The following LMBRD1 variants were observed in gnomAD, a reference collection of about 807,000 sequenced individuals.
LMBRD1 encodes the protein LMBR1 domain containing 1.
LMBRD1 carries 64 observed loss-of-function variants against 74.8 expected under a neutral mutation model. That is an observed-to-expected ratio of 0.86 (90% CI 0.70 to 1.05). The LOEUF (loss-of-function observed/expected upper bound fraction) is 1.05, where lower values mean the gene tolerates loss of function less well. LMBRD1 is among the 50% of genes least tolerant of loss of function. LMBRD1 has a pLI of 0.00. For missense variants in LMBRD1, 652 were observed against 645.9 expected (o/e 1.01, Z -0.10); for synonymous variants, 204 against 216.3 (o/e 0.94, Z 0.50).
chr6:69,726,303 C>A (rs941971759), intron 7 of LMBRD1, among the ~76,000 whole-genome samples: 6 of 152,248 alleles, frequency 3.9e-5, no homozygotes, highest in African/African-American at 1.2e-4. Flanking sequence ...ACAACCACTA[C>A]AGAGAATAGT....
At chr6:69,761,074 C>T (rs1765362543) in intron 3 of LMBRD1, among the ~76,000 whole-genome samples, 2 of 152,144 alleles carry the variant, frequency 1.3e-5, no homozygotes, top group South Asian at 4.1e-4. Flanking sequence ...TTTTAAACTG[C>T]TAAATGTTGA....
chr6:69,775,809 C>A (rs3928194), intron 3 of LMBRD1, among the ~76,000 whole-genome samples: 16,636 of 152,056 alleles, frequency 0.11, 2,518 homozygotes, highest in African/African-American at 0.34. Context: ...CAAAGAACAT[C>A]ATTTTTACTT....
intron 2 of LMBRD1, among the ~76,000 whole-genome samples, chr6:69,787,590 C>CA (rs774323125): frequency 4.6e-5 from 7 of 151,954 alleles, no homozygotes; most frequent in East Asian, 1.9e-4. Flanking sequence ...ACTAAAAATA[C>CA]AAAAAATTGG....
chr6:69,700,717 TCA>T, intron 12 of LMBRD1, 46 bp downstream of exon 12: 5 of 1,232,358 alleles, frequency 4.1e-6, no homozygotes, highest in Non-Finnish European at 5.5e-6. Flanking sequence ...ATTATGGAGA[TCA>T]CACACAAAAT....
chr6:69,758,585 T>C (rs1182779513), intron 3 of LMBRD1, among the ~76,000 whole-genome samples: 1 of 152,132 alleles, frequency 6.6e-6, no homozygotes, highest in Non-Finnish European at 1.5e-5. Flanking sequence ...AGGAATGAAC[T>C]TAGTACTCTC....
At chr6:69,688,358 G>C (rs1410525883) in intron 14 of LMBRD1, among the ~76,000 whole-genome samples, 2 of 149,842 alleles carry the variant, frequency 1.3e-5, no homozygotes, top group Non-Finnish European at 3.0e-5. Flanking sequence ...TTATGTATTT[G>C]TATTTATTTA....
chr6:69,733,616 C>T (rs560079995), intron 7 of LMBRD1, among the ~76,000 whole-genome samples: 1 of 152,152 alleles, frequency 6.6e-6, no homozygotes, highest in South Asian at 2.1e-4. Flanking sequence ...ATCTACCTTC[C>T]TCTTCCCCTC....
intron 2 of LMBRD1, among the ~76,000 whole-genome samples, chr6:69,786,067 A>G (rs1276323147): frequency 6.6e-6 from 1 of 152,214 alleles, no homozygotes; most frequent in Non-Finnish European, 1.5e-5. Context: ...CATAGAATTT[A>G]TCACTATAAA....
At chr6:69,761,679 CTG>C (rs1765376561) in intron 3 of LMBRD1, among the ~76,000 whole-genome samples, 1 of 152,196 alleles carries the variant, frequency 6.6e-6, no homozygotes, top group South Asian at 2.1e-4. Context: ...CAAATTATAA[CTG>C]TGTAATTCAA....
chr6:69,778,981 T>C (rs976375043), intron 3 of LMBRD1, among the ~76,000 whole-genome samples: 5 of 151,610 alleles, frequency 3.3e-5, no homozygotes, highest in African/African-American at 7.3e-5. Context: ...AGGTCAGGAG[T>C]TAAAGACCAG....
At chr6:69,747,194 A>G (rs1028991830) in intron 5 of LMBRD1, among the ~76,000 whole-genome samples, 3 of 152,154 alleles carry the variant, frequency 2.0e-5, no homozygotes, top group Admixed American at 2.0e-4. Flanking sequence ...ATCCCATGGC[A>G]TTGGTGAGGA....
rs375371614 is a variant in LMBRD1, at chr6:69,792,313, G to C, written c.70-1841C>G. Among the ~76,000 whole-genome samples, 5 of 152,330 alleles carry C rather than the reference G, an allele frequency of 3.3e-5. No homozygotes were observed. In the East Asian group the frequency reaches 5.8e-4, roughly 18 times the overall value. On this transcript the variant is annotated intron_variant, in intron 1 of 15. Transcript: ENST00000649934. ...GGTTGAGATCCCACCAGTGTTTGGGGATCTCCCTCAGCCCACCAGTATCAC... is the reference window on the plus strand; with the variant it reads ...GGTTGAGATCCCACCAGTGTTTGGGCATCTCCCTCAGCCCACCAGTATCAC...
chr6:69,690,076 A>G (rs1375790509), intron 14 of LMBRD1, among the ~76,000 whole-genome samples: 2 of 149,896 alleles, frequency 1.3e-5, no homozygotes, highest in African/African-American at 4.9e-5. Flanking sequence ...TTTTTTTTTT[A>G]AACTAGTTCT....
At chr6:69,736,600 T>C (rs766031971) in intron 7 of LMBRD1, among the ~76,000 whole-genome samples, 14 of 152,156 alleles carry the variant, frequency 9.2e-5, no homozygotes, top group Non-Finnish European at 1.5e-4. Flanking sequence ...TTTCTCTCTA[T>C]TTTTTTCTCC....
At chr6:69,716,409 T>G (rs1468909442) in intron 8 of LMBRD1, among the ~76,000 whole-genome samples, 1 of 152,176 alleles carries the variant, frequency 6.6e-6, no homozygotes, top group Non-Finnish European at 1.5e-5. Flanking sequence ...TGGCCACATG[T>G]ATGTCTCCTT....
chr6:69,756,541 T>C (rs1016984288), intron 3 of LMBRD1, among the ~76,000 whole-genome samples: 7 of 152,168 alleles, frequency 4.6e-5, no homozygotes, highest in African/African-American at 1.2e-4. Flanking sequence ...ACTTTACTTG[T>C]AGGAGTGAGG....
At chr6:69,753,001 G>C (rs1765194540) in intron 3 of LMBRD1, among the ~76,000 whole-genome samples, 1 of 152,170 alleles carries the variant, frequency 6.6e-6, no homozygotes, top group African/African-American at 2.4e-5. Context: ...CTATGAACAT[G>C]CAAGGACAAA....
At chr6:69,784,533 G>A (rs887402153) in intron 2 of LMBRD1, among the ~76,000 whole-genome samples, 14 of 152,156 alleles carry the variant, frequency 9.2e-5, no homozygotes, top group African/African-American at 3.4e-4. Context: ...AATCTAGGAG[G>A]TAAGAGGTCA....
intron 12 of LMBRD1, among the ~76,000 whole-genome samples, chr6:69,699,776 C>T (rs1418593627): frequency 6.6e-6 from 1 of 151,716 alleles, no homozygotes; most frequent in Non-Finnish European, 1.5e-5. Flanking sequence ...TTAGGTATCA[C>T]CTCCCTGTTT....
Sources: gnomAD v4.1 joint callset for allele counts (sites outside exome capture counted in the v4.1 genomes callset) on GRCh38, gnomAD v4.1.1 for gene constraint, MANE v1.5 for transcripts, NCBI Gene and HGNC (gene_info 2026-07-23, HGNC 2026-07-21) for gene names.